The following NUP153 variants were observed in gnomAD, a reference collection of about 807,000 sequenced individuals.
The protein encoded by NUP153 is nuclear pore complex protein Nup153.
NUP153 carries 27 observed loss-of-function variants against 134.6 expected under a neutral mutation model. The ratio of observed to expected loss-of-function variants is 0.20; its 90% CI spans 0.15 to 0.28. NUP153 has a LOEUF of 0.28. NUP153 is among the 10% of genes least tolerant of loss of function. NUP153 has a pLI of 1.00. For synonymous variants in NUP153, 640 were observed against 623.5 expected, an observed-to-expected ratio of 1.03 and a Z score of -0.40; for missense variants, 1,821 against 1,731.3, an observed-to-expected ratio of 1.05 and a Z score of -0.92.
rs771747431 is a variant in NUP153, at chr6:17,661,766, G to C, written c.1282C>G (p.Pro428Ala). The C allele has an allele frequency of 1.9e-6, 3 of 1,612,282 alleles. No individual in the cohort carries two copies. Among genetic ancestry groups the C allele is most frequent in the Non-Finnish European group, 1.7e-6 (2 of 1,179,520 alleles). Residue 428 changes from proline to alanine, a missense_variant, in exon 11 of 22, where the codon CCA (proline) becomes GCA (alanine). Coordinates refer to ENST00000262077, the MANE Select transcript of NUP153 (RefSeq NM_005124.4). Reference sequence around the variant, plus strand: ...TTGGCTGCAGGCAAACTGAAATTTGGATATGAAAAGCCACTGGCAAATAAA... The same window carrying C: ...TTGGCTGCAGGCAAACTGAAATTTGCATATGAAAAGCCACTGGCAAATAAA... Reference protein sequence around the residue: ...REQRESGFSYPNFSLPAANGL... With the variant: ...REQRESGFSYANFSLPAANGL...
rs1281670946 is a variant in NUP153 at position 17,669,117 on chromosome 6, C to T, written c.1015-89G>A. ...TTTTTGAGATGGAGTCTCACTCTGT[C>T]GCCCAGGCTGGAGTGCAGTGGCGCG... On this transcript the variant is annotated intron_variant, in intron 7 of 21. Transcript: ENST00000262077. 6.7e-5 allele frequency: 71 copies of T among 1,060,966 alleles called. 1 individual carries two copies. The highest frequency in any genetic ancestry group is 2.8e-4 in the Middle Eastern group (1 of 3,578). 65.7% of individuals were successfully genotyped at this position (1,060,966 alleles called of 1,614,324 possible).
At chr6:17,674,862 A>C in intron 5 of NUP153, 43 bp downstream of exon 5, 5 of 1,455,314 alleles carry the variant, frequency 3.4e-6, no homozygotes, top group Non-Finnish European at 4.6e-6. Context: ...AAGTGTAAAA[A>C]AAAAGAAAAA....
chr6:17,655,452 T>C (rs1766757921), intron 11 of NUP153, among the ~76,000 whole-genome samples: 1 of 123,968 alleles, frequency 8.1e-6, no homozygotes, highest in African/African-American at 3.1e-5. Flanking sequence ...TTTAATCTTA[T>C]TATTACTTTT....
At chr6:17,645,047 T>C (rs1163086235) in intron 14 of NUP153, among the ~76,000 whole-genome samples, 1 of 151,886 alleles carries the variant, frequency 6.6e-6, no homozygotes, top group Non-Finnish European at 1.5e-5. Context: ...ATTACGCCAC[T>C]GTACTCCAAC....
intron 2 of NUP153, among the ~76,000 whole-genome samples, chr6:17,679,985 T>C (rs906480731): frequency 1.3e-5 from 2 of 152,120 alleles, no homozygotes; most frequent in African/African-American, 4.8e-5. Context: ...TATGCTGCCT[T>C]GCGTACCCTA....
At position 17,625,566 on chromosome 6, in the gene NUP153, A is replaced by G. The variant is rs137982296; in HGVS notation, c.3901+242T>C. 3.9e-4 allele frequency among the ~76,000 whole-genome samples: 60 copies of G among 152,250 alleles called. No individual in the cohort carries two copies. The East Asian group carries it at 9.5e-3, about 24-fold the overall frequency. On this transcript the variant is annotated intron_variant, in intron 19 of 21. Coordinates refer to ENST00000262077, the MANE Select transcript of NUP153 (RefSeq NM_005124.4). This position sits in a 1 kb window ranked among gnomAD's most constrained non-coding sequence, Gnocchi z 4.7. ...AAAACAAAAAACAAAGCTTAGAAAA[A>G]TTAAGTATTACACTCTTACCACAAT...
rs572927140 is a variant in NUP153 at position 17,615,916 on chromosome 6, A to T, written c.*181T>A. On this transcript the variant is annotated 3_prime_UTR_variant, in exon 22 of 22. Transcript: ENST00000262077. The surrounding 1 kb of genome is among the most constrained non-coding windows in gnomAD (Gnocchi z 5.7). ...CACCAGTCTAGCTATTTATTTATTTAAAAAAGGGTGGGTGAGGCAGGGTGG... is the reference window on the plus strand; with the variant it reads ...CACCAGTCTAGCTATTTATTTATTTTAAAAAGGGTGGGTGAGGCAGGGTGG... 23 of 511,788 alleles carry T rather than the reference A, an allele frequency of 4.5e-5. No individual in the cohort carries two copies. The highest frequency in any genetic ancestry group is 1.6e-4 in the East Asian group (5 of 31,876). 31.7% of individuals were successfully genotyped at this position (511,788 alleles called of 1,614,324 possible).
chr6:17,637,906 T>C lies in NUP153; in HGVS notation c.1847-136A>G, dbSNP rs1465602317. 14 of 950,642 alleles carry C rather than the reference T, an allele frequency of 1.5e-5. No individual in the cohort carries two copies. The South Asian group carries it at 2.5e-4, about 17-fold the overall frequency. 58.9% of individuals were successfully genotyped at this position (950,642 alleles called of 1,614,324 possible). A position where few individuals can be genotyped will look rare whatever the true frequency, so the allele number is the denominator to read the frequency against. On this transcript the variant is annotated intron_variant, in intron 15 of 21. Transcript: ENST00000262077. ...TCCAAGATGAACTACTTAAGAATTG[T>C]TTTTCACTTAAGTAATCATATTTAT... is the stretch of plus-strand genomic sequence containing the variant.
intron 20 of NUP153, among the ~76,000 whole-genome samples, chr6:17,622,481 G>A (rs1764693066): frequency 6.6e-6 from 1 of 152,094 alleles, no homozygotes; most frequent in Non-Finnish European, 1.5e-5. Flanking sequence ...TTTAAAAAAG[G>A]ATTTTCTAAC....
At chr6:17,693,599 C>CT (rs1385395113) in intron 1 of NUP153, among the ~76,000 whole-genome samples, 1 of 152,180 alleles carries the variant, frequency 6.6e-6, no homozygotes, top group Non-Finnish European at 1.5e-5. Context: ...AAGATACTTC[C>CT]TTTGAGGCCG....
chr6:17,641,842 A>ACT (rs3076077), intron 14 of NUP153, among the ~76,000 whole-genome samples: 149,074 of 151,716 alleles, frequency 0.98, 73,277 homozygotes, highest in Middle Eastern at 1. Flanking sequence ...ACAGAGCGAG[A>ACT]CTGTCTCAGA....
intron 5 of NUP153, among the ~76,000 whole-genome samples, chr6:17,673,125 T>G (rs972300925): frequency 1.3e-5 from 2 of 152,192 alleles, no homozygotes; most frequent in Admixed American, 6.5e-5. Flanking sequence ...TCCCAGCACT[T>G]TGGGAGGCCA....
At chr6:17,688,910 T>A (rs1769112258) in intron 1 of NUP153, among the ~76,000 whole-genome samples, 1 of 152,190 alleles carries the variant, frequency 6.6e-6, no homozygotes, top group Non-Finnish European at 1.5e-5. Flanking sequence ...GATTTTAGAT[T>A]TATTAATATG....
chr6:17,627,497 T>G (rs1402398940), intron 18 of NUP153, among the ~76,000 whole-genome samples: 1 of 152,154 alleles, frequency 6.6e-6, no homozygotes, highest in Non-Finnish European at 1.5e-5. Flanking sequence ...GTTTTTTTGT[T>G]GTTGTTGGGT....
intron 2 of NUP153, among the ~76,000 whole-genome samples, chr6:17,678,826 T>C (rs1768396087): frequency 6.6e-6 from 1 of 151,536 alleles, no homozygotes; most frequent in Admixed American, 6.6e-5. Context: ...ACAGCTGTAG[T>C]CCCAGCTACT....
At chr6:17,664,050 AT>A (rs1767361638) in intron 9 of NUP153, among the ~76,000 whole-genome samples, 1 of 152,184 alleles carries the variant, frequency 6.6e-6, no homozygotes, top group African/African-American at 2.4e-5. Flanking sequence ...ATAAAACAAA[AT>A]CTAGTATATC....
At chr6:17,621,472 G>A (rs753042617) in intron 20 of NUP153, among the ~76,000 whole-genome samples, 3 of 152,124 alleles carry the variant, frequency 2.0e-5, no homozygotes, top group East Asian at 1.9e-4. Flanking sequence ...ATCAACAGAT[G>A]GATACAGAAA....
At chr6:17,685,850 TAA>T (rs879939245) in intron 2 of NUP153, among the ~76,000 whole-genome samples, 1 of 145,618 alleles carries the variant, frequency 6.9e-6, no homozygotes. Context: ...CCACTTACAT[TAA>T]AAAAAAAAAA....
chr6:17,704,436 G>A lies in NUP153; in HGVS notation c.111+1841C>T, dbSNP rs1013390725. Among the ~76,000 whole-genome samples the A allele has an allele frequency of 2.0e-4, 30 of 152,060 alleles. 2 individuals carry two copies. Among genetic ancestry groups the A allele is most frequent in the Admixed American group, 1.6e-3 (25 of 15,248 alleles). Reference sequence around the variant, plus strand: ...TACAAGAAAATCTAAGCACTCAAAGGCATTCATAGGAGAAAAGAAAGCATG... The same window carrying A: ...TACAAGAAAATCTAAGCACTCAAAGACATTCATAGGAGAAAAGAAAGCATG... On this transcript the variant is annotated intron_variant, in intron 1 of 21. Coordinates refer to ENST00000262077, the MANE Select transcript of NUP153 (RefSeq NM_005124.4).
Sources: allele counts gnomAD v4.1 joint callset (sites outside exome capture counted in the v4.1 genomes callset), GRCh38; gene constraint gnomAD v4.1.1; non-coding constraint Gnocchi (gnomAD v3.1); transcripts MANE v1.5; gene names NCBI Gene and HGNC (gene_info 2026-07-23, HGNC 2026-07-21).